Variants in CLVS1 observed in about 807,000 individuals in gnomAD.
CLVS1 encodes the protein clavesin 1.
A neutral mutation model predicts 33.1 loss-of-function variants in CLVS1; 10 were observed. That is an observed-to-expected ratio of 0.30 (90% CI 0.19 to 0.51). The LOEUF (loss-of-function observed/expected upper bound fraction) is 0.51. CLVS1 is among the 20% of genes least tolerant of loss of function. The probability of loss-of-function intolerance (pLI) is 0.97; values close to 1 mark genes in which losing one functional copy is unlikely to be tolerated. For synonymous variants in CLVS1, 163 were observed against 166.1 expected (o/e 0.98, Z 0.14); for missense variants, 343 against 433.4 (o/e 0.79, Z 1.85).
At chr8:61,086,863 G>C (rs140531724) in intron 1 of CLVS1, among the ~76,000 whole-genome samples, 1 of 152,164 alleles carries the variant, frequency 6.6e-6, no homozygotes, top group Non-Finnish European at 1.5e-5. Context: ...TTTCACCCCT[G>C]TATCCAGATG....
At chr8:61,139,138 C>A (rs942309845) in intron 2 of CLVS1, among the ~76,000 whole-genome samples, 8 of 152,222 alleles carry the variant, frequency 5.3e-5, no homozygotes, top group African/African-American at 1.9e-4. Flanking sequence ...GAGCGCTCTG[C>A]CCTCCTCAAA....
chr8:61,185,720 T>A (rs906790613), intron 2 of CLVS1, among the ~76,000 whole-genome samples: 2 of 152,152 alleles, frequency 1.3e-5, no homozygotes, highest in African/African-American at 4.8e-5. Context: ...GAAATCTTGG[T>A]TTTGGCAACC....
At chr8:61,310,552 T>G (rs1810796109) in intron 2 of CLVS1, among the ~76,000 whole-genome samples, 1 of 152,230 alleles carries the variant, frequency 6.6e-6, no homozygotes. Context: ...AAGACTTCAC[T>G]TGTCACTTGA....
At chr8:61,079,102 T>C (rs1804976572) in intron 1 of CLVS1, among the ~76,000 whole-genome samples, 2 of 152,218 alleles carry the variant, frequency 1.3e-5, no homozygotes, top group Admixed American at 1.3e-4. Context: ...CCGTCTGGTT[T>C]AGATTATAAA....
chr8:61,252,865 C>T (rs191848064), intron 2 of CLVS1, among the ~76,000 whole-genome samples: 104 of 152,264 alleles, frequency 6.8e-4, no homozygotes, highest in African/African-American at 2.2e-3. Flanking sequence ...GGTCTTGGCT[C>T]TTTATCCAAT....
intron 3 of CLVS1, among the ~76,000 whole-genome samples, chr8:61,447,339 C>A (rs906382251): frequency 2.6e-5 from 4 of 151,924 alleles, no homozygotes; most frequent in Non-Finnish European, 5.9e-5. Flanking sequence ...CTATGCTAAT[C>A]TCTTTTAATT....
chr8:61,176,938 G>A (rs1220532999), intron 2 of CLVS1, among the ~76,000 whole-genome samples: 1 of 152,230 alleles, frequency 6.6e-6, no homozygotes, highest in Non-Finnish European at 1.5e-5. Context: ...TAAGTCTGCT[G>A]AGTTCCCAGG....
intron 1 of CLVS1, among the ~76,000 whole-genome samples, chr8:61,106,520 G>C (rs1805541911): frequency 6.6e-6 from 1 of 152,218 alleles, no homozygotes; most frequent in South Asian, 2.1e-4. Flanking sequence ...AGGTGTAGGA[G>C]GATTAGAGAG....
At position 61,292,194 on chromosome 8, in the gene CLVS1, C is replaced by A. The variant is rs73682212; in HGVS notation, c.-152+4056C>A. Reference sequence around the variant, plus strand: ...ACCCATTCTAAAATGAAACAAAAACCACTCCATGTTCTGAAGAAATAAGAG... The same window carrying A: ...ACCCATTCTAAAATGAAACAAAAACAACTCCATGTTCTGAAGAAATAAGAG... On this transcript the variant is annotated intron_variant, in intron 1 of 5. Coordinates refer to ENST00000325897, the MANE Select transcript of CLVS1 (RefSeq NM_173519.3). 1,744 of 320,418 alleles carry A rather than the reference C, an allele frequency of 5.4e-3. 33 individuals are homozygous for A. The highest frequency in any genetic ancestry group is 0.033 in the African/African-American group (1,521 of 46,462). 19.8% of individuals were successfully genotyped at this position (320,418 alleles called of 1,614,324 possible). A position where few individuals can be genotyped will look rare whatever the true frequency, so the allele number is the denominator to read the frequency against.
At chr8:61,422,943 G>T (rs1246825855) in intron 3 of CLVS1, among the ~76,000 whole-genome samples, 1 of 151,922 alleles carries the variant, frequency 6.6e-6, no homozygotes, top group Non-Finnish European at 1.5e-5. Flanking sequence ...GGTGGACTGT[G>T]CTCCGGGTGG....
At chr8:61,144,325 GT>G (rs2129293676) in intron 2 of CLVS1, among the ~76,000 whole-genome samples, 1 of 152,252 alleles carries the variant, frequency 6.6e-6, no homozygotes, top group East Asian at 1.9e-4. Flanking sequence ...TCTTGTGTTA[GT>G]TTGCTGAGAA....
intron 2 of CLVS1, among the ~76,000 whole-genome samples, chr8:61,136,186 C>T (rs992315856): frequency 2.6e-5 from 4 of 152,184 alleles, no homozygotes; most frequent in African/African-American, 9.7e-5. Context: ...CTAACTGTTG[C>T]AGGGAAGAGT....
intron 1 of CLVS1, among the ~76,000 whole-genome samples, chr8:61,059,294 C>T (rs1804534739): frequency 6.6e-6 from 1 of 151,642 alleles, no homozygotes; most frequent in South Asian, 2.1e-4. Flanking sequence ...ATGAATGATG[C>T]TGAGTATCTT....
At chr8:61,006,355 C>T in the CLVS1 span, among the ~76,000 whole-genome samples, 1 of 152,184 alleles carries the variant, frequency 6.6e-6, no homozygotes, top group African/African-American at 2.4e-5. Flanking sequence ...CTCCTGGCCT[C>T]TCCTTGCCAT....
At chr8:61,159,973 T>C (rs1366606439) in intron 2 of CLVS1, among the ~76,000 whole-genome samples, 2 of 152,200 alleles carry the variant, frequency 1.3e-5, no homozygotes, top group African/African-American at 4.8e-5. Context: ...ATAGTTCTTC[T>C]CCACCCAGGC....
intron 2 of CLVS1, chr8:61,202,840 G>A: frequency 2.0e-6 from 2 of 989,992 alleles, no homozygotes; most frequent in Middle Eastern, 3.0e-4. Flanking sequence ...TGATGAAGAT[G>A]ATGATGATGA....
rs138764135 is a variant in CLVS1 at position 61,209,023 on chromosome 8, G to A, written c.-152+77163G>A. Among the ~76,000 whole-genome samples the A allele has an allele frequency of 8.8e-4, 134 of 152,272 alleles. No homozygotes were observed. In the East Asian group the frequency reaches 0.019, roughly 22 times the overall value. ...ACACAAAAACTAGCCAGTTGATAGG[G>A]CAGTGTAAGTCCTCACACTGGAAAG... On this transcript the variant is annotated intron_variant, in intron 2 of 2. Transcript: ENST00000522621.
intron 1 of CLVS1, among the ~76,000 whole-genome samples, chr8:61,120,931 C>G (rs1207722432): frequency 6.7e-6 from 1 of 148,872 alleles, no homozygotes; most frequent in Admixed American, 6.6e-5. Context: ...GCTTTGTTTA[C>G]CTAAGCAAGC....
At chr8:60,997,193 T>G in the CLVS1 span, among the ~76,000 whole-genome samples, 1 of 152,134 alleles carries the variant, frequency 6.6e-6, no homozygotes, top group Non-Finnish European at 1.5e-5. Flanking sequence ...GATGGTGGAC[T>G]GCAGCTGCAG....
Sources: allele counts gnomAD v4.1 joint callset (sites outside exome capture counted in the v4.1 genomes callset), GRCh38; gene constraint gnomAD v4.1.1; transcripts MANE v1.5; gene names NCBI Gene and HGNC (gene_info 2026-07-23, HGNC 2026-07-21).